The following LIX1 variants were observed in gnomAD, a reference collection of about 807,000 sequenced individuals.
LIX1 encodes the protein limb and CNS expressed 1, also known as protein limb expression 1 homolog.
A neutral mutation model predicts 33.4 loss-of-function variants in LIX1; 24 were observed. The observed-to-expected ratio is 0.72, with a 90% confidence interval of 0.52 to 1.01. The LOEUF is 1.01. Ranked by LOEUF, LIX1 falls within the 50% of genes least tolerant of loss-of-function variation. The probability of loss-of-function intolerance (pLI) is 0.00; values close to 1 mark genes in which losing one functional copy is unlikely to be tolerated. For synonymous variants in LIX1, 124 were observed against 124.0 expected, an observed-to-expected ratio of 1.00 and a Z score of 0.00; for missense variants, 311 against 339.2, an observed-to-expected ratio of 0.92 and a Z score of 0.65.
Position 97,094,533 on chromosome 5 carries a change from C to A in LIX1, c.*215G>T, listed in dbSNP as rs879639218. The A allele has an allele frequency of 3.7e-6, 2 of 543,796 alleles. No individual in the cohort carries two copies. Among genetic ancestry groups the A allele is most frequent in the South Asian group, 2.7e-5 (1 of 36,500 alleles). The allele number at this position is 543,796 out of a possible 1,614,324, so 33.7% of individuals were successfully genotyped here. On this transcript the variant is annotated 3_prime_UTR_variant, in exon 6 of 6. Transcript: ENST00000274382. ...TCTATCCTTTCATCCTGAGCTGGAACTATTGAGAATGTGATAGAAAAATGC... is the reference window on the plus strand; with the variant it reads ...TCTATCCTTTCATCCTGAGCTGGAAATATTGAGAATGTGATAGAAAAATGC...
At chr5:97,105,720 T>C (rs945765017) in intron 3 of LIX1, among the ~76,000 whole-genome samples, 3 of 152,250 alleles carry the variant, frequency 2.0e-5, no homozygotes, top group African/African-American at 7.2e-5. Flanking sequence ...GCCGTGATTC[T>C]TAATAGGAAC....
chr5:97,100,985 C>T (rs528291827), intron 4 of LIX1, among the ~76,000 whole-genome samples: 13 of 151,008 alleles, frequency 8.6e-5, no homozygotes, highest in Non-Finnish European at 1.9e-4. Context: ...ATAGTCCTCA[C>T]GGAAGTCTTT....
intron 1 of LIX1, among the ~76,000 whole-genome samples, chr5:97,141,339 A>G (rs1002912673): frequency 1.3e-5 from 2 of 152,288 alleles, no homozygotes; most frequent in African/African-American, 4.8e-5. Flanking sequence ...GGAGAGAGTG[A>G]TTTTTATTAG....
intron 1 of LIX1, among the ~76,000 whole-genome samples, chr5:97,129,738 G>T (rs1018670555): frequency 2.6e-5 from 4 of 152,166 alleles, no homozygotes; most frequent in African/African-American, 7.2e-5. Context: ...ATTGGAGAAA[G>T]AATTATATCA....
intron 1 of LIX1, among the ~76,000 whole-genome samples, chr5:97,133,436 T>C (rs999674897): frequency 7.2e-5 from 11 of 152,344 alleles, no homozygotes; most frequent in Middle Eastern, 3.4e-3. Context: ...TAGCTATTAT[T>C]TGTGACTGGA....
At chr5:97,117,616 T>C (rs1046346485) in intron 2 of LIX1, among the ~76,000 whole-genome samples, 1 of 152,222 alleles carries the variant, frequency 6.6e-6, no homozygotes, top group Non-Finnish European at 1.5e-5. Flanking sequence ...ATAAAACGCG[T>C]TTTTATGTCT....
At chr5:97,132,863 G>T (rs1748086104) in intron 1 of LIX1, among the ~76,000 whole-genome samples, 1 of 152,156 alleles carries the variant, frequency 6.6e-6, no homozygotes, top group African/African-American at 2.4e-5. Flanking sequence ...ACTAGAAGTG[G>T]GTAGGAGATG....
chr5:97,094,087 C>T lies in LIX1; in HGVS notation c.*661G>A, dbSNP rs1056309535. On this transcript the variant is annotated 3_prime_UTR_variant, in exon 6 of 6. Transcript: ENST00000274382. ...TACTTTTCTAGGTGATATTTATCCC[C>T]ATATATGGAAGAGTGTGGGTTTTAA... 6.6e-6 allele frequency: 1 copy of T among 152,036 alleles called. No homozygotes were observed. The highest frequency in any genetic ancestry group is 2.4e-5 in the African/African-American group (1 of 41,326). The allele number at this position is 152,036 out of a possible 1,614,324, so 9.4% of individuals were successfully genotyped here. A position where few individuals can be genotyped will look rare whatever the true frequency, so the allele number is the denominator to read the frequency against.
chr5:97,097,628 G>T (rs1237115480), intron 4 of LIX1, among the ~76,000 whole-genome samples: 1 of 152,206 alleles, frequency 6.6e-6, no homozygotes. Context: ...TTTGAATCAT[G>T]TGACTATGTT....
rs1747945840 is a variant in LIX1, at chr5:97,127,095, G to A, written c.83-2466C>T. Among the ~76,000 whole-genome samples, 4 of 152,074 alleles carry A rather than the reference G, an allele frequency of 2.6e-5. No homozygotes were observed. In the South Asian group the frequency reaches 8.3e-4, roughly 31 times the overall value. On this transcript the variant is annotated intron_variant, in intron 1 of 5. Coordinates refer to ENST00000274382, the MANE Select transcript of LIX1 (RefSeq NM_153234.5). ...CTGACTTGAGTCTCTGCTTGCAGTT[G>A]ACCTCCAGAAGTCAGCAGAGATGTC... is the stretch of plus-strand genomic sequence containing the variant.
Position 97,100,396 on chromosome 5 carries a change from C to G in LIX1, c.484-3509G>C, listed in dbSNP as rs187135156. ...CCACTTCCTCAGTGTTGCTTTTGTTCTTAACATTCCCTAGGGAAGATGACC... is the reference window on the plus strand; with the variant it reads ...CCACTTCCTCAGTGTTGCTTTTGTTGTTAACATTCCCTAGGGAAGATGACC... On this transcript the variant is annotated intron_variant, in intron 4 of 5. Transcript: ENST00000274382. Among the ~76,000 whole-genome samples the G allele has an allele frequency of 1.6e-3, 242 of 152,272 alleles. 1 individual carries two copies. Among genetic ancestry groups the G allele is most frequent in the Admixed American group, 4.6e-3 (71 of 15,286 alleles).
Position 97,094,726 on chromosome 5 carries a change from G to T in LIX1, c.*22C>A. 6.2e-7 allele frequency: 1 copy of T among 1,608,158 alleles called. No homozygotes were observed. The highest frequency in any genetic ancestry group is 8.5e-7 in the Non-Finnish European group (1 of 1,176,214). Reference sequence around the variant, plus strand: ...TTAATCTGGCCTCTGCCATCACTGAGGGTACCCGGGGCTTGGCCTTGCTAG... The same window carrying T: ...TTAATCTGGCCTCTGCCATCACTGATGGTACCCGGGGCTTGGCCTTGCTAG... On this transcript the variant is annotated 3_prime_UTR_variant, in exon 6 of 6. Transcript: ENST00000274382.
At chr5:97,136,896 T>G (rs886156056) in intron 1 of LIX1, among the ~76,000 whole-genome samples, 2 of 152,116 alleles carry the variant, frequency 1.3e-5, no homozygotes, top group African/African-American at 4.8e-5. Context: ...TTAACTACCT[T>G]GACAGACTAA....
intron 4 of LIX1, among the ~76,000 whole-genome samples, chr5:97,100,879 A>G (rs1397268297): frequency 2.0e-5 from 3 of 150,280 alleles, no homozygotes; most frequent in Admixed American, 2.0e-4. Flanking sequence ...CGAAATAGTA[A>G]GACCTCTGTC....
chr5:97,115,453 T>C (rs1005587062), intron 2 of LIX1, among the ~76,000 whole-genome samples: 1 of 152,212 alleles, frequency 6.6e-6, no homozygotes, highest in Non-Finnish European at 1.5e-5. Context: ...TTTTCCATGC[T>C]TTGTATTAGA....
At chr5:97,116,381 T>A (rs1475185384) in intron 2 of LIX1, among the ~76,000 whole-genome samples, 1 of 151,992 alleles carries the variant, frequency 6.6e-6, no homozygotes, top group Non-Finnish European at 1.5e-5. Context: ...GCTGCAAATA[T>A]GTTGGGAACA....
At chr5:97,129,299 G>A (rs773658248) in intron 1 of LIX1, among the ~76,000 whole-genome samples, 3 of 152,026 alleles carry the variant, frequency 2.0e-5, no homozygotes, top group African/African-American at 4.8e-5. Context: ...CGCCCTACCC[G>A]CAAGAAACAT....
chr5:97,096,767 G>A (rs766803567), intron 5 of LIX1, 43 bp downstream of exon 5: 2 of 1,352,826 alleles, frequency 1.5e-6, no homozygotes, highest in East Asian at 4.6e-5. Context: ...GCCACCTGCT[G>A]AGTTCATATA....
At chr5:97,137,066 G>T in intron 1 of LIX1, 2 of 431,508 alleles carry the variant, frequency 4.6e-6, no homozygotes, top group Non-Finnish European at 9.3e-6. Context: ...CAGTAAAACC[G>T]TGTCATTTAA....
Sources: gnomAD v4.1 joint callset for allele counts (sites outside exome capture counted in the v4.1 genomes callset) on GRCh38, gnomAD v4.1.1 for gene constraint, MANE v1.5 for transcripts, NCBI Gene and HGNC (gene_info 2026-07-23, HGNC 2026-07-21) for gene names.